The following PDHX variants were observed in gnomAD, a reference collection of about 807,000 sequenced individuals.
PDHX encodes the protein pyruvate dehydrogenase protein X component, mitochondrial.
A neutral mutation model predicts 55.3 loss-of-function variants in PDHX; 33 were observed. The observed-to-expected ratio is 0.60, with a 90% confidence interval of 0.45 to 0.80. PDHX has a LOEUF of 0.80. PDHX is among the 30% of genes least tolerant of loss of function. The probability of loss-of-function intolerance (pLI) is 0.00; values close to 1 mark genes in which losing one functional copy is unlikely to be tolerated. For missense variants in PDHX, 622 were observed against 619.9 expected (o/e 1.00, Z -0.04); for synonymous variants, 226 against 219.4 (o/e 1.03, Z -0.27).
Position 34,984,436 on chromosome 11 carries a change from TCAAACGAAA to T in PDHX, c.1024-133_1024-125del. 14 of 734,812 alleles carry T rather than the reference TCAAACGAAA, an allele frequency of 1.9e-5. No homozygotes were observed. In the Admixed American group the frequency reaches 3.3e-4, roughly 17 times the overall value. The allele number at this position is 734,812 out of a possible 1,614,324, so 45.5% of individuals were successfully genotyped here. A position where few individuals can be genotyped will look rare whatever the true frequency, so the allele number is the denominator to read the frequency against. ...TGACACAGAACTCCATACCATTTTT[TCAAACGAAA>T]TTTTTATTTATTTTCTCTTATCTAG... On this transcript the variant is annotated intron_variant, in intron 8 of 10. Coordinates refer to ENST00000227868, the MANE Select transcript of PDHX (RefSeq NM_003477.3).
At chr11:34,916,464 C>A, upstream of PDHX, 2 of 1,460,546 alleles carry the variant, frequency 1.4e-6, no homozygotes, top group African/African-American at 2.8e-5. Context: ...AGATATCCAG[C>A]GGCGCACCTG....
At chr11:34,975,395 A>C (rs1311887472) in intron 7 of PDHX, among the ~76,000 whole-genome samples, 2 of 152,140 alleles carry the variant, frequency 1.3e-5, no homozygotes, top group Non-Finnish European at 2.9e-5. Flanking sequence ...TGAATTGCCC[A>C]AAGCTCTTAA....
intron 7 of PDHX, among the ~76,000 whole-genome samples, chr11:34,977,090 A>G (rs1269004417): frequency 2.6e-5 from 4 of 152,170 alleles, no homozygotes; most frequent in African/African-American, 9.7e-5. Context: ...TTTGCAGCTG[A>G]CAGTTATCGT....
At chr11:34,969,128 G>A (rs1855198261) in intron 6 of PDHX, among the ~76,000 whole-genome samples, 2 of 152,176 alleles carry the variant, frequency 1.3e-5, no homozygotes, top group East Asian at 1.9e-4. Flanking sequence ...CCCAACTATA[G>A]GCTAATGTAA....
intron 8 of PDHX, among the ~76,000 whole-genome samples, chr11:34,982,885 T>C (rs1855550050): frequency 6.6e-6 from 1 of 152,038 alleles, no homozygotes; most frequent in Non-Finnish European, 1.5e-5. Flanking sequence ...ACTATTCCAA[T>C]CAATAGAAAA....
intron 8 of PDHX, among the ~76,000 whole-genome samples, chr11:34,982,691 TC>T: frequency 6.6e-6 from 1 of 152,158 alleles, no homozygotes; most frequent in Middle Eastern, 3.2e-3. Flanking sequence ...GATAAATTCC[TC>T]GACACATACA....
chr11:34,970,768 T>A (rs886181497), intron 7 of PDHX, among the ~76,000 whole-genome samples: 1 of 152,194 alleles, frequency 6.6e-6, no homozygotes, highest in South Asian at 2.1e-4. Context: ...TTTGGATTTT[T>A]GGACTAGAGA....
chr11:34,916,615 A>C (rs748553521), upstream of PDHX: 2 of 1,600,472 alleles, frequency 1.2e-6, no homozygotes, highest in East Asian at 2.2e-5. Flanking sequence ...GATGCTGGAC[A>C]TCAGGCTGTG....
At chr11:34,954,841 TA>T (rs1854868094) in intron 3 of PDHX, among the ~76,000 whole-genome samples, 2 of 152,198 alleles carry the variant, frequency 1.3e-5, no homozygotes, top group Admixed American at 1.3e-4. Flanking sequence ...TAGCTACTGT[TA>T]TTTGCATCTT....
At chr11:34,920,889 G>GA (rs1380955000) in intron 1 of PDHX, among the ~76,000 whole-genome samples, 1 of 152,158 alleles carries the variant, frequency 6.6e-6, no homozygotes, top group Non-Finnish European at 1.5e-5. Flanking sequence ...AGAATCTAAA[G>GA]AAAAAACCTG....
chr11:34,952,424 T>C (rs1854796949), intron 3 of PDHX, among the ~76,000 whole-genome samples: 1 of 152,118 alleles, frequency 6.6e-6, no homozygotes, highest in Non-Finnish European at 1.5e-5. Context: ...TGGTGAACAT[T>C]GATGCAAAAA....
chr11:34,943,723 C>T (rs1432915236), intron 2 of PDHX, among the ~76,000 whole-genome samples: 2 of 152,166 alleles, frequency 1.3e-5, no homozygotes, highest in African/African-American at 4.8e-5. Context: ...TCTGAAGTTT[C>T]CTGTTCTCTC....
At chr11:34,992,789 C>T (rs1247986048) in intron 10 of PDHX, among the ~76,000 whole-genome samples, 7 of 152,000 alleles carry the variant, frequency 4.6e-5, no homozygotes, top group Non-Finnish European at 1.0e-4. Flanking sequence ...GCTTCCAGTT[C>T]GGGGCTATTA....
chr11:34,983,953 A>G (rs983128958), intron 8 of PDHX, among the ~76,000 whole-genome samples: 7 of 152,168 alleles, frequency 4.6e-5, no homozygotes, highest in South Asian at 4.1e-4. Flanking sequence ...CCAAAAAAGA[A>G]CCCGCATTGC....
At chr11:34,957,725 GTGTGT>G in intron 4 of PDHX, 142 bp downstream of exon 4, 1 of 592,024 alleles carries the variant, frequency 1.7e-6, no homozygotes, top group South Asian at 1.9e-5. Flanking sequence ...ACCTTAGAGT[GTGTGT>G]TTTTTTTTTT....
In PDHX at chr11:34,972,551, C is replaced by T. The variant is rs3980625; in HGVS notation, c.964+2265C>T. On this transcript the variant is annotated intron_variant, in intron 7 of 10. Coordinates refer to ENST00000227868, the MANE Select transcript of PDHX (RefSeq NM_003477.3). Reference sequence around the variant, plus strand: ...TAGCTAGGATTACAGGCACAAACCACCATGCCTGGCTAATTGTTTGTATTT... The same window carrying T: ...TAGCTAGGATTACAGGCACAAACCATCATGCCTGGCTAATTGTTTGTATTT... 7.6e-3 allele frequency among the ~76,000 whole-genome samples: 1,158 copies of T among 152,070 alleles called. 3 individuals are homozygous for T. The highest frequency in any genetic ancestry group is 0.012 in the Non-Finnish European group (837 of 67,982).
intron 1 of PDHX, among the ~76,000 whole-genome samples, chr11:34,921,358 A>C (rs372671995): frequency 6.6e-6 from 1 of 152,084 alleles, no homozygotes; most frequent in African/African-American, 2.4e-5. Context: ...GTGGTGATTC[A>C]GGCCTTTATG....
Position 34,950,726 on chromosome 11 carries a change from T to C in PDHX, c.342+3120T>C, listed in dbSNP as rs1854740669. ...GAACTCATCATTTTTTATGGCTGCA[T>C]AGTATTCCATGGTGTATATGTGCCA... On this transcript the variant is annotated intron_variant, in intron 3 of 10. Transcript: ENST00000227868. 2.0e-5 allele frequency among the ~76,000 whole-genome samples: 3 copies of C among 150,422 alleles called. No individual in the cohort carries two copies. The South Asian group carries it at 6.3e-4, about 32-fold the overall frequency.
intron 1 of PDHX, among the ~76,000 whole-genome samples, chr11:34,928,549 A>G (rs149879374): frequency 6.6e-6 from 1 of 150,862 alleles, no homozygotes; most frequent in African/African-American, 2.4e-5. Context: ...CTGACAGTAC[A>G]TTCTTTAAGC....
Sources: gnomAD v4.1 joint callset for allele counts (sites outside exome capture counted in the v4.1 genomes callset) on GRCh38, gnomAD v4.1.1 for gene constraint, MANE v1.5 for transcripts, NCBI Gene and HGNC (gene_info 2026-07-23, HGNC 2026-07-21) for gene names.